The following ATP11B variants were observed in gnomAD, a reference collection of about 807,000 sequenced individuals.
ATP11B encodes ATPase phospholipid transporting 11B (putative), also known as phospholipid-transporting ATPase IF.
In ATP11B, 81 loss-of-function variants were observed where a neutral mutation model predicts 157.8. That is an observed-to-expected ratio of 0.51 (90% confidence interval 0.43 to 0.62). ATP11B has a LOEUF of 0.62. Ranked by LOEUF, ATP11B falls within the 20% of genes least tolerant of loss-of-function variation. The pLI is 0.00. For synonymous variants in ATP11B, 451 were observed against 469.4 expected (o/e 0.96, Z 0.51); for missense variants, 1,165 against 1,402.2 (o/e 0.83, Z 2.70).
At chr3:182,849,253 A>T (rs191943898) in intron 10 of ATP11B, among the ~76,000 whole-genome samples, 338 of 152,336 alleles carry the variant, frequency 2.2e-3, no homozygotes, top group Non-Finnish European at 3.4e-3. Context: ...ACTGCTGCCC[A>T]TTGCATTGGA....
At chr3:182,854,872 T>G (rs1218811921) in intron 10 of ATP11B, among the ~76,000 whole-genome samples, 4 of 151,962 alleles carry the variant, frequency 2.6e-5, no homozygotes, top group African/African-American at 9.7e-5. Context: ...GTAACCACCT[T>G]TTGTCATCTT....
intron 28 of ATP11B, 93 bp downstream of exon 28, chr3:182,898,865 A>G (rs968245731): frequency 8.0e-6 from 7 of 878,748 alleles, no homozygotes; most frequent in Non-Finnish European, 1.1e-5. Context: ...GTCAGAAAAT[A>G]GGAAATTAGC....
intron 28 of ATP11B, among the ~76,000 whole-genome samples, 166 bp from the exon 29 acceptor site, chr3:182,913,695 T>C (rs774919492): frequency 1.3e-5 from 2 of 152,218 alleles, no homozygotes; most frequent in African/African-American, 2.4e-5. Context: ...TTTTGGATGG[T>C]TATACTCTAG....
chr3:182,795,695 CTGGTTAAGTT>C (rs985354986), intron 1 of ATP11B, among the ~76,000 whole-genome samples: 2 of 152,174 alleles, frequency 1.3e-5, no homozygotes, highest in Admixed American at 1.3e-4. Flanking sequence ...CTTTGTGTCT[CTGGTTAAGTT>C]TGTATGATCA....
At chr3:182,804,999 T>C (rs774792863) in intron 1 of ATP11B, among the ~76,000 whole-genome samples, 14 of 152,228 alleles carry the variant, frequency 9.2e-5, no homozygotes, top group Admixed American at 2.6e-4. Flanking sequence ...ATTTTATGGA[T>C]ATACCACATT....
chr3:182,794,479 C>G (rs1187663397), intron 1 of ATP11B, among the ~76,000 whole-genome samples: 2 of 152,172 alleles, frequency 1.3e-5, no homozygotes, highest in Non-Finnish European at 2.9e-5. Context: ...CACCCCACCC[C>G]GAGTGAAACT....
intron 28 of ATP11B, among the ~76,000 whole-genome samples, chr3:182,909,597 A>G (rs1045978766): frequency 2.6e-5 from 4 of 152,208 alleles, no homozygotes; most frequent in South Asian, 2.1e-4. Flanking sequence ...TCCTCACCCA[A>G]TTATACTGGC....
Position 182,889,516 on chromosome 3 carries a change from G to A in ATP11B, c.2950G>A (p.Gly984Arg), listed in dbSNP as rs768758534. The A allele has an allele frequency of 6.4e-6, 10 of 1,566,622 alleles. No homozygotes were observed. The South Asian group carries it at 1.2e-4, about 19-fold the overall frequency. ...IFFFGSYLLIGKDTSLLGNGQ... is the reference protein window; with the variant it reads ...IFFFGSYLLIRKDTSLLGNGQ... ...CTTTTTTGGATCCTATTTACTAATA[G>A]GGAAAGATACATCTCTGCTTGGAAA... Residue 984 changes from glycine (G) to arginine (R), a missense_variant, in exon 25 of 30, where the codon GGG (glycine) becomes AGG (arginine). This residue lies in a region of ATP11B where 303 missense variants were observed against 296.3 expected (regional missense o/e 1.02). Transcript: ENST00000323116.
chr3:182,797,870 G>A (rs1028143053), intron 1 of ATP11B, among the ~76,000 whole-genome samples: 2 of 151,810 alleles, frequency 1.3e-5, no homozygotes, highest in African/African-American at 2.4e-5. Flanking sequence ...AGTTACCTAC[G>A]TGACTTGCAT....
chr3:182,830,221 G>A (rs1718027448), intron 4 of ATP11B, among the ~76,000 whole-genome samples: 2 of 151,952 alleles, frequency 1.3e-5, no homozygotes, highest in Admixed American at 6.6e-5. Context: ...TACTTGGTGG[G>A]CTGAGGTGGG....
chr3:182,813,154 T>C lies in ATP11B; in HGVS notation c.28-7106T>C, dbSNP rs570348890. 3.9e-5 allele frequency among the ~76,000 whole-genome samples: 6 copies of C among 152,330 alleles called. No homozygotes were observed. In the East Asian group the frequency reaches 9.7e-4, roughly 25 times the overall value. On this transcript the variant is annotated intron_variant, in intron 1 of 29. Transcript: ENST00000323116. ...TTGGATTGCTTCCACCTTTTGACTA[T>C]TGTGAATAATGCTGCTTTGGACATG...
Position 182,918,274 on chromosome 3 carries a change from C to CTGT in ATP11B, c.*170_*171insTGT. The CTGT allele has an allele frequency of 1.3e-6, 1 of 785,574 alleles. No homozygotes were observed. The highest frequency in any genetic ancestry group is 3.3e-5 in the South Asian group (1 of 30,196). 48.7% of individuals were successfully genotyped at this position (785,574 alleles called of 1,614,324 possible). On this transcript the variant is annotated 3_prime_UTR_variant, in exon 30 of 30. Transcript: ENST00000323116. The stretch of plus-strand genomic sequence containing the variant: ...CAAACAGAAAGCATTAGTACAAGCC[C>CTGT]CTCCCAACACCCTTAATTTGAATCT...
intron 12 of ATP11B, among the ~76,000 whole-genome samples, chr3:182,860,968 C>T (rs548525413): frequency 1.9e-4 from 29 of 152,078 alleles, no homozygotes; most frequent in African/African-American, 6.8e-4. Flanking sequence ...GTGATATATG[C>T]GTTCCTAAAA....
intron 1 of ATP11B, among the ~76,000 whole-genome samples, chr3:182,817,979 A>AATCAGTG (rs1717070217): frequency 6.6e-6 from 1 of 152,206 alleles, no homozygotes. Flanking sequence ...AGAAGCTATA[A>AATCAGTG]ATCAGTGTTT....
chr3:182,897,671 A>G (rs55657715), intron 27 of ATP11B, among the ~76,000 whole-genome samples: 72,890 of 151,684 alleles, frequency 0.48, 20,346 homozygotes, highest in African/African-American at 0.77. Flanking sequence ...GAGCCTCAGG[A>G]TCACAAAGAC....
rs201924008 is a variant in ATP11B, at chr3:182,897,417, A to G, written c.3152+11A>G. The G allele has an allele frequency of 1.2e-4, 175 of 1,478,418 alleles. 1 individual carries two copies. In the East Asian group the frequency reaches 2.8e-3, roughly 23 times the overall value. 91.6% of individuals were successfully genotyped at this position (1,478,418 alleles called of 1,614,324 possible). ...TGGAGGGATTCTCTGGTGAGTGAAT[A>G]TATTGTATTTTAATTGGATTGCTTC... On this transcript the variant is annotated intron_variant, in intron 27 of 29. Transcript: ENST00000323116.
At chr3:182,913,524 A>G (rs903925642) in intron 28 of ATP11B, among the ~76,000 whole-genome samples, 10 of 152,258 alleles carry the variant, frequency 6.6e-5, no homozygotes, top group Non-Finnish European at 1.5e-4. Flanking sequence ...TCCATGCAGA[A>G]TTGGAATTCA....
intron 4 of ATP11B, among the ~76,000 whole-genome samples, chr3:182,835,430 A>G (rs1034024362): frequency 6.6e-6 from 1 of 152,204 alleles, no homozygotes; most frequent in Admixed American, 6.6e-5. Flanking sequence ...GTGATTGCAT[A>G]GATGTTAGGA....
intron 25 of ATP11B, among the ~76,000 whole-genome samples, chr3:182,890,548 A>T (rs1349146345): frequency 1.3e-5 from 2 of 152,198 alleles, no homozygotes; most frequent in Non-Finnish European, 2.9e-5. Context: ...ATGGGTTTCA[A>T]ATGTAGAGGC....
Sources: gnomAD v4.1 joint callset for allele counts (sites outside exome capture counted in the v4.1 genomes callset) on GRCh38, gnomAD v4.1.1 for gene constraint, gnomAD v4.1.1 regional missense constraint, MANE v1.5 for transcripts, NCBI Gene and HGNC (gene_info 2026-07-23, HGNC 2026-07-21) for gene names.